DST: variants seen among roughly 807,000 people sequenced by gnomAD.
The protein encoded by DST is dystonin, also known as bullous pemphigoid antigen.
Under a neutral mutation model 875.2 loss-of-function variants are expected in DST, and 253 were observed. That is an observed-to-expected ratio of 0.29 (90% CI 0.26 to 0.32). The LOEUF (loss-of-function observed/expected upper bound fraction) is 0.32, where lower values mean the gene tolerates loss of function less well. DST is among the 10% of genes least tolerant of loss of function. The pLI is 1.00. For missense variants in DST, 8,287 were observed against 9,111.6 expected (o/e 0.91, Z 3.68); for synonymous variants, 3,124 against 3,197.1 (o/e 0.98, Z 0.77).
intron 4 of DST, among the ~76,000 whole-genome samples, chr6:56,765,219 A>G (rs929192937): frequency 2.0e-5 from 3 of 152,200 alleles, no homozygotes; most frequent in Admixed American, 1.3e-4. Context: ...ATGTTTGTGA[A>G]AGTCACCATG....
chr6:56,873,887 A>C (rs1778478114), intron 3 of DST, among the ~76,000 whole-genome samples: 1 of 152,182 alleles, frequency 6.6e-6, no homozygotes, highest in African/African-American at 2.4e-5. Context: ...AAGAATGATA[A>C]ATGTTTGAGG....
intron 58 of DST, among the ~76,000 whole-genome samples, chr6:56,559,609 G>A (rs1410832028): frequency 6.6e-6 from 1 of 152,022 alleles, no homozygotes; most frequent in East Asian, 1.9e-4. Context: ...AACTTATTGG[G>A]TTCTCCAAAT....
intron 10 of DST, among the ~76,000 whole-genome samples, chr6:56,662,644 TA>T (rs1351631127): frequency 6.6e-6 from 1 of 152,070 alleles, no homozygotes; most frequent in African/African-American, 2.4e-5. Context: ...ATCACATCTA[TA>T]AAGATCTTTT....
rs1234622799 is a variant in DST, at chr6:56,472,083, A to G, written c.22134T>C (p.Asn7378=). ...CCTCCTCTAGTCTGTCCAAGGCATC[A>G]TTGAGTTTCCTCCTTCTTTCCAACG... is the stretch of plus-strand genomic sequence containing the variant. The part of the protein sequence containing the change: ...LLALERRRKL[N]DALDRLEELR... The change falls in exon 94 of 104, where the codon AAT becomes AAC. Residue 7378 remains asparagine (N), a synonymous_variant. Coordinates refer to ENST00000680361, the MANE Select transcript of DST (RefSeq NM_001374736.1). 15 of 1,613,836 alleles carry G rather than the reference A, an allele frequency of 9.3e-6. No homozygotes were observed. Among genetic ancestry groups the G allele is most frequent in the Non-Finnish European group, 8.5e-7 (1 of 1,179,858 alleles).
At chr6:56,490,183 T>C (rs1029770881) in intron 85 of DST, among the ~76,000 whole-genome samples, 3 of 152,184 alleles carry the variant, frequency 2.0e-5, no homozygotes, top group Non-Finnish European at 4.4e-5. Context: ...CTCAAATCAA[T>C]GCCTGTGCCT....
intron 4 of DST, among the ~76,000 whole-genome samples, chr6:56,741,013 G>A (rs1235750203): frequency 6.6e-6 from 1 of 151,764 alleles, no homozygotes; most frequent in African/African-American, 2.4e-5. Flanking sequence ...TTTTCTTCTT[G>A]GGTAAAAAAG....
intron 86 of DST, 37 bp from the exon 87 acceptor site, chr6:56,487,310 T>C: frequency 1.3e-6 from 2 of 1,515,466 alleles, no homozygotes; most frequent in Non-Finnish European, 1.8e-6. Context: ...GAATTTCTTC[T>C]TGGGACTAAT....
intron 2 of DST, among the ~76,000 whole-genome samples, chr6:56,914,307 A>G (rs1468289213): frequency 6.6e-6 from 1 of 152,120 alleles, no homozygotes; most frequent in Non-Finnish European, 1.5e-5. Flanking sequence ...CAAAACTACA[A>G]CTAGTCTGGA....
In DST at chr6:56,606,198, A is replaced by G. The variant is rs2098495940; in HGVS notation, c.8430T>C (p.Asp2810=). The part of the protein sequence containing the change: ...DSNDQDDDDD[D]GIDEEGGGIR... ...TACCTCCTCCTTCTTCATCAATGCC[A>G]TCATCATCATCGTCATCCTGATCAT... is the stretch of plus-strand genomic sequence containing the variant. Residue 2810 remains aspartate, a synonymous_variant, in exon 40 of 104, where the codon GAT becomes GAC. Coordinates refer to ENST00000680361, the MANE Select transcript of DST (RefSeq NM_001374736.1). 6.3e-7 allele frequency: 1 copy of G among 1,578,124 alleles called. No individual in the cohort carries two copies. Among genetic ancestry groups the G allele is most frequent in the Admixed American group, 1.9e-5 (1 of 53,532 alleles).
intron 2 of DST, among the ~76,000 whole-genome samples, chr6:56,908,367 C>A (rs1039486324): frequency 6.6e-6 from 1 of 152,002 alleles, no homozygotes; most frequent in East Asian, 1.9e-4. Context: ...AAAAAATATG[C>A]CTTGATTTTC....
At chr6:56,636,477 C>T (rs929019022) in intron 23 of DST, 80 bp downstream of exon 23, 26 of 1,082,290 alleles carry the variant, frequency 2.4e-5, no homozygotes, top group Non-Finnish European at 2.4e-5. Context: ...GTTATCCTAA[C>T]AATAAATTAT....
At chr6:56,553,805 A>C (rs2152556758) in intron 60 of DST, 150 bp from the exon 61 acceptor site, 1 of 718,170 alleles carries the variant, frequency 1.4e-6, no homozygotes, top group Middle Eastern at 3.9e-4. Flanking sequence ...AAGTGAACTT[A>C]AGTTATTGAC....
intron 2 of DST, among the ~76,000 whole-genome samples, chr6:56,913,838 T>C (rs1799740930): frequency 1.3e-5 from 2 of 152,250 alleles, no homozygotes; most frequent in African/African-American, 4.8e-5. Context: ...TGTTATGTTA[T>C]TTCATCAAAC....
At position 56,492,536 on chromosome 6, in the gene DST, G is replaced by A. The variant is rs866369470; in HGVS notation, c.20551-103C>T. ...CCTGAAATTATTTTAAAGGACAAAC[G>A]AAAGCTTTCGAAATACCAAATGCAT... On this transcript the variant is annotated intron_variant, in intron 84 of 103. Transcript: ENST00000680361. 1.3e-4 allele frequency: 151 copies of A among 1,175,586 alleles called. 1 individual carries two copies. In the Middle Eastern group the frequency reaches 1.7e-3, roughly 13 times the overall value. 72.8% of individuals were successfully genotyped at this position (1,175,586 alleles called of 1,614,324 possible).
chr6:56,831,641 T>A (rs1417205886), intron 4 of DST, among the ~76,000 whole-genome samples: 1 of 152,160 alleles, frequency 6.6e-6, no homozygotes, highest in Non-Finnish European at 1.5e-5. Flanking sequence ...CAAACCTGTG[T>A]TCCTCTTCCT....
rs1362421859 is a variant in DST, at chr6:56,658,012, C to T, written c.1215-6768G>A. 3.3e-5 allele frequency among the ~76,000 whole-genome samples: 5 copies of T among 152,008 alleles called. 1 individual carries two copies. The South Asian group carries it at 6.2e-4, about 19-fold the overall frequency. ...AACCCCTGACCTCAAGTGATCCACT[C>T]GCCTCGGCCCCCCCAACTGCTGGTA... On this transcript the variant is annotated intron_variant, in intron 10 of 103. Coordinates refer to ENST00000680361, the MANE Select transcript of DST (RefSeq NM_001374736.1).
At chr6:56,654,287 C>T (rs1563482318) in intron 10 of DST, among the ~76,000 whole-genome samples, 2 of 117,558 alleles carry the variant, frequency 1.7e-5, no homozygotes, top group Non-Finnish European at 3.2e-5. Flanking sequence ...ATGTTTATAT[C>T]CCAGCTTTAT....
intron 9 of DST, among the ~76,000 whole-genome samples, chr6:56,682,983 C>T (rs1017085088): frequency 3.3e-5 from 5 of 152,206 alleles, no homozygotes; most frequent in African/African-American, 1.2e-4. Flanking sequence ...TTGGCTCATT[C>T]TACAAAACAC....
chr6:56,469,393 G>A (rs1372754263), intron 97 of DST, among the ~76,000 whole-genome samples: 2 of 151,698 alleles, frequency 1.3e-5, no homozygotes, highest in Non-Finnish European at 2.9e-5. Context: ...AAGTCACACT[G>A]TTCTTCTGTT....
Sources: allele counts gnomAD v4.1 joint callset (sites outside exome capture counted in the v4.1 genomes callset), GRCh38; gene constraint gnomAD v4.1.1; transcripts MANE v1.5; gene names NCBI Gene and HGNC (gene_info 2026-07-23, HGNC 2026-07-21).